Variants in EVL observed in about 807,000 individuals in gnomAD.
EVL encodes Enah/Vasp-like, also known as ena/VASP-like protein.
Under a neutral mutation model 59.6 loss-of-function variants are expected in EVL, and 21 were observed. The ratio of observed to expected loss-of-function variants is 0.35; its 90% CI spans 0.25 to 0.51. The LOEUF (loss-of-function observed/expected upper bound fraction) is 0.51, where lower values mean the gene tolerates loss of function less well. EVL is among the 20% of genes least tolerant of loss of function. EVL has a pLI of 0.97. For synonymous variants in EVL, 198 were observed against 203.5 expected, an observed-to-expected ratio of 0.97 and a Z score of 0.23; for missense variants, 462 against 546.6, an observed-to-expected ratio of 0.85 and a Z score of 1.54.
At chr14:99,988,049 G>T (rs1166417493) in intron 1 of EVL, among the ~76,000 whole-genome samples, 1 of 151,372 alleles carries the variant, frequency 6.6e-6, no homozygotes, top group Admixed American at 6.6e-5. Flanking sequence ...CAAGTTGCTG[G>T]GATTACAGGC....
intron 3 of EVL, among the ~76,000 whole-genome samples, chr14:100,119,091 G>A (rs1379745784): frequency 6.6e-6 from 1 of 152,224 alleles, no homozygotes; most frequent in Non-Finnish European, 1.5e-5. Context: ...ACCAAGGGCT[G>A]GACCCACATG....
Position 100,130,277 on chromosome 14 carries a change from G to A in EVL, c.839+593G>A, listed in dbSNP as rs1348753676. Among the ~76,000 whole-genome samples the A allele has an allele frequency of 6.6e-6, 1 of 152,222 alleles. No individual in the cohort carries two copies. Among genetic ancestry groups the A allele is most frequent in the Non-Finnish European group, 1.5e-5 (1 of 68,044 alleles). On this transcript the variant is annotated intron_variant, in intron 7 of 13. Coordinates refer to ENST00000392920, the MANE Select transcript of EVL (RefSeq NM_016337.3). This position sits in a 1 kb window ranked among gnomAD's most constrained non-coding sequence, Gnocchi z 4.8. ...GCGGGTGTGGCTGCAGCCTGCCATT[G>A]TGGCTCTCCGCTGTTCCCCAAATGA...
intron 3 of EVL, among the ~76,000 whole-genome samples, chr14:100,117,508 T>C (rs774487638): frequency 6.6e-6 from 1 of 152,234 alleles, no homozygotes; most frequent in Non-Finnish European, 1.5e-5. Flanking sequence ...TGGAGGGCTT[T>C]AGAGTCCTCT....
chr14:100,101,369 T>TA (rs1271865720), intron 3 of EVL, among the ~76,000 whole-genome samples: 4 of 152,130 alleles, frequency 2.6e-5, no homozygotes, highest in African/African-American at 9.7e-5. Flanking sequence ...TAATCCCAGT[T>TA]ACTCGGGAGG....
chr14:100,084,804 C>T lies in EVL; in HGVS notation c.129C>T (p.Asn43=), dbSNP rs755313457. The T allele has an allele frequency of 3.7e-6, 6 of 1,614,086 alleles. No individual in the cohort carries two copies. Among genetic ancestry groups the T allele is most frequent in the Non-Finnish European group, 5.1e-6 (6 of 1,180,050 alleles). Residue 43 remains asparagine, a synonymous_variant, in exon 2 of 14, where the codon AAC becomes AAT. Transcript: ENST00000392920. The part of the protein sequence containing the change: ...QGFSRINIYH[N]TASNTFRVVG... ...TCAGCCGGATCAACATCTACCACAACACTGCCAGCAACACCTTCAGAGTCG... is the reference window on the plus strand; with the variant it reads ...TCAGCCGGATCAACATCTACCACAATACTGCCAGCAACACCTTCAGAGTCG...
intron 1 of EVL, among the ~76,000 whole-genome samples, chr14:100,002,120 CA>C (rs768111840): frequency 2.0e-5 from 3 of 152,104 alleles, no homozygotes; most frequent in Non-Finnish European, 4.4e-5. Context: ...AGCAAAAAGT[CA>C]AAAAGATAAC....
chr14:100,084,637 C>A, intron 1 of EVL, 50 bp from the exon 2 acceptor site: 1 of 1,591,420 alleles, frequency 6.3e-7, no homozygotes, highest in Non-Finnish European at 8.6e-7. Context: ...GCAAAGTCAA[C>A]TTCCATCCAC....
Position 100,008,214 on chromosome 14 carries a change from A to T in EVL, c.5+36157A>T, listed in dbSNP as rs140180068. On this transcript the variant is annotated intron_variant, in intron 1 of 13. Coordinates refer to the EVL transcript ENST00000402714. ...TCTGATGCACTAATTCTGGGGCGGG[A>T]TCTGAGATTTTTCATCCTTAACAAG... 5.3e-5 allele frequency among the ~76,000 whole-genome samples: 8 copies of T among 152,184 alleles called. No homozygotes were observed. In the East Asian group the frequency reaches 1.5e-3, roughly 29 times the overall value.
In EVL at chr14:99,993,685, C is replaced by CTTTTT. The variant is rs532512303; in HGVS notation, c.5+21648_5+21652dup. Among the ~76,000 whole-genome samples, 359 of 78,240 alleles carry CTTTTT rather than the reference C, an allele frequency of 4.6e-3. 1 individual carries two copies. Among genetic ancestry groups the CTTTTT allele is most frequent in the East Asian group, 9.6e-3 (24 of 2,488 alleles). 51.3% of individuals were successfully genotyped at this position (78,240 alleles called of 152,430 possible). ...GTCTTTTCAGATTGTTTCTTTCTTT[C>CTTTTT]TTTTTTTTTTTTTTTTTTTTTTTTG... On this transcript the variant is annotated intron_variant, in intron 1 of 13. Coordinates refer to the EVL transcript ENST00000402714.
intron 1 of EVL, among the ~76,000 whole-genome samples, chr14:99,999,808 C>T (rs1204541258): frequency 6.6e-6 from 1 of 152,150 alleles, no homozygotes; most frequent in Non-Finnish European, 1.5e-5. Flanking sequence ...GTGAGGCCAT[C>T]AGCACAAAAG....
intron 2 of EVL, among the ~76,000 whole-genome samples, chr14:100,086,224 A>G (rs1366267120): frequency 1.3e-5 from 2 of 152,224 alleles, no homozygotes; most frequent in African/African-American, 2.4e-5. Context: ...ATGTCTTTCT[A>G]GAAACCTTCT....
At chr14:100,080,875 A>T (rs2062285806) in intron 1 of EVL, among the ~76,000 whole-genome samples, 1 of 152,236 alleles carries the variant, frequency 6.6e-6, no homozygotes, top group South Asian at 2.1e-4. Context: ...AGACTTGAAG[A>T]CCTCATGGGA....
chr14:100,104,440 C>CT (rs1221796817), intron 3 of EVL, among the ~76,000 whole-genome samples: 2 of 152,214 alleles, frequency 1.3e-5, no homozygotes, highest in African/African-American at 4.8e-5. Flanking sequence ...ATAATACTGT[C>CT]TCAAAGCATG....
intron 1 of EVL, among the ~76,000 whole-genome samples, chr14:100,060,397 C>G (rs978941535): frequency 6.8e-6 from 1 of 147,478 alleles, no homozygotes; most frequent in South Asian, 2.1e-4. Flanking sequence ...CGCCACTGCA[C>G]TCCAGCCTGG....
chr14:99,991,685 G>T (rs1490798445), intron 1 of EVL, among the ~76,000 whole-genome samples: 1 of 152,278 alleles, frequency 6.6e-6, no homozygotes, highest in African/African-American at 2.4e-5. Flanking sequence ...TCGTGGCAAA[G>T]TTATCTCGGG....
intron 8 of EVL, among the ~76,000 whole-genome samples, 199 bp downstream of exon 8, chr14:100,132,978 GAGCAC>G (rs949831026): frequency 2.0e-5 from 3 of 152,178 alleles, no homozygotes; most frequent in African/African-American, 7.2e-5. Context: ...TGCCCTCACT[GAGCAC>G]CCCCTACCAG....
At chr14:100,070,343 C>A (rs973202440) in intron 1 of EVL, among the ~76,000 whole-genome samples, 2 of 152,196 alleles carry the variant, frequency 1.3e-5, no homozygotes, top group Admixed American at 1.3e-4. Context: ...AGCTTTTGAT[C>A]TCTGAGAGGA....
intron 1 of EVL, among the ~76,000 whole-genome samples, chr14:100,032,365 T>C (rs575503935): frequency 1.3e-5 from 2 of 152,308 alleles, no homozygotes; most frequent in African/African-American, 4.8e-5. Flanking sequence ...GGCTGCTTGG[T>C]TGGGGCATTC....
At chr14:99,971,492 G>C (rs879792327) in exon 1 of EVL, 2 of 151,622 alleles carry the variant, frequency 1.3e-5, no homozygotes, top group Non-Finnish European at 2.9e-5. Flanking sequence ...ACCGCCGCGC[G>C]CGCTCATTCA....
Sources: gnomAD v4.1 joint callset for allele counts (sites outside exome capture counted in the v4.1 genomes callset) on GRCh38, gnomAD v4.1.1 for gene constraint, Gnocchi (gnomAD v3.1) non-coding constraint, MANE v1.5 for transcripts, NCBI Gene and HGNC (gene_info 2026-07-23, HGNC 2026-07-21) for gene names.